Variants in C4orf50 observed in about 807,000 individuals in gnomAD.
C4orf50 encodes the protein uncharacterized protein C4orf50.
Under a neutral mutation model 77.2 loss-of-function variants are expected in C4orf50, and 80 were observed. The observed-to-expected ratio is 1.04, with a 90% CI of 0.87 to 1.25. The LOEUF is 1.25. Ranked by LOEUF, C4orf50 falls within the 50% of genes most tolerant of loss-of-function variation. C4orf50 has a pLI of 0.00. For missense variants in C4orf50, 1,257 were observed against 1,152.9 expected, an observed-to-expected ratio of 1.09 and a Z score of -1.31; for synonymous variants, 532 against 465.3, an observed-to-expected ratio of 1.14 and a Z score of -1.84.
At position 5,970,037 on chromosome 4, in the gene C4orf50, C is replaced by T. The variant is rs192021540; in HGVS notation, c.4105-2575G>A. Among the ~76,000 whole-genome samples the T allele has an allele frequency of 6.6e-6, 1 of 152,174 alleles. No individual in the cohort carries two copies. The highest frequency in any genetic ancestry group is 1.5e-5 in the Non-Finnish European group (1 of 67,996). On this transcript the variant is annotated intron_variant, in intron 31 of 33. Coordinates refer to ENST00000531445, the Ensembl canonical transcript of C4orf50. The surrounding 1 kb of genome is among the most constrained non-coding windows in gnomAD (Gnocchi z 4.3). The stretch of plus-strand genomic sequence containing the variant: ...TCTCCTTTGGTACCCGGGCCTCTGC[C>T]TCCAAGGTCTCAGGGACGGGGAAAG...
chr4:5,997,703 T>C (rs16838040), intron 25 of C4orf50, among the ~76,000 whole-genome samples: 4,984 of 152,324 alleles, frequency 0.033, 95 homozygotes, highest in Middle Eastern at 0.044. Flanking sequence ...TAAACATGAA[T>C]GTGTTAGAGG....
At chr4:5,934,384 A>G (rs1011877498) in intron 7 of C4orf50, among the ~76,000 whole-genome samples, 7 of 152,354 alleles carry the variant, frequency 4.6e-5, no homozygotes, top group African/African-American at 1.7e-4. Context: ...CACAGAGTTT[A>G]GCATTTTAAA....
At chr4:5,998,354 C>T (rs1168045560) in intron 25 of C4orf50, among the ~76,000 whole-genome samples, 6 of 152,194 alleles carry the variant, frequency 3.9e-5, no homozygotes, top group African/African-American at 7.2e-5. Context: ...TTTTATTTTT[C>T]GACATTATTG....
At chr4:5,976,722 T>G (rs183262162) in intron 29 of C4orf50, among the ~76,000 whole-genome samples, 1 of 152,342 alleles carries the variant, frequency 6.6e-6, no homozygotes, top group East Asian at 1.9e-4. Context: ...TGGTGAGAAC[T>G]GTAGTGAGGA....
chr4:5,950,964 A>T (rs949613628), intron 7 of C4orf50, among the ~76,000 whole-genome samples: 1 of 152,236 alleles, frequency 6.6e-6, no homozygotes. Context: ...GGTCAGCATA[A>T]GCATGAGTGA....
intron 31 of C4orf50, among the ~76,000 whole-genome samples, chr4:5,969,023 C>T (rs1437458306): frequency 6.6e-6 from 1 of 152,116 alleles, no homozygotes; most frequent in African/African-American, 2.4e-5. Context: ...TGATCCTGGC[C>T]AAGTCCGTTG....
chr4:5,989,218 T>C (rs762728998), exon 28 of C4orf50: 1 of 1,536,028 alleles, frequency 6.5e-7, no homozygotes, highest in South Asian at 1.2e-5. Context: ...TTTGGTGTTG[T>C]CATGTAAAAT....
Position 5,980,167 on chromosome 4 carries a change from C to T in C4orf50, c.3864+7G>A, listed in dbSNP as rs778272601. 1.9e-6 allele frequency: 3 copies of T among 1,584,184 alleles called. No individual in the cohort carries two copies. Among genetic ancestry groups the T allele is most frequent in the Non-Finnish European group, 1.7e-6 (2 of 1,166,566 alleles). ...TGACAAGAGGGGAAAGAAAGCACTT[C>T]CCACACCTTGGCCTGGAGCTCCTCC... On this transcript the variant is annotated splice_region_variant and intron_variant, in intron 29 of 33. Transcript: ENST00000531445.
chr4:6,003,907 ATGTTGATGATGGTGG>A (rs1577991084), intron 25 of C4orf50, among the ~76,000 whole-genome samples: 1 of 90,574 alleles, frequency 1.1e-5, no homozygotes, highest in East Asian at 3.4e-4. Flanking sequence ...TGTGATGGTG[ATGTTGATGATGGTGG>A]TGATGGTGAT....
chr4:5,945,306 CTT>C (rs1250388441), intron 7 of C4orf50, among the ~76,000 whole-genome samples: 7 of 152,222 alleles, frequency 4.6e-5, no homozygotes, highest in African/African-American at 1.7e-4. Flanking sequence ...CACGATTCAG[CTT>C]GGTACCCACA....
intron 31 of C4orf50, among the ~76,000 whole-genome samples, chr4:5,967,816 C>T (rs914662008): frequency 6.6e-6 from 1 of 152,224 alleles, no homozygotes; most frequent in Non-Finnish European, 1.5e-5. Context: ...CCCTGGGGCC[C>T]CTGATTCAAT....
At chr4:5,906,417 A>T (rs921975823) in intron 7 of C4orf50, among the ~76,000 whole-genome samples, 1 of 152,152 alleles carries the variant, frequency 6.6e-6, no homozygotes. Context: ...GTATGGGAGA[A>T]TACAGGCTGG....
Position 6,011,686 on chromosome 4 carries a change from C to A in C4orf50, c.426+144G>T. 2.5e-6 allele frequency: 1 copy of A among 397,258 alleles called. No homozygotes were observed. The highest frequency in any genetic ancestry group is 4.4e-6 in the Non-Finnish European group (1 of 225,816). The allele number at this position is 397,258 out of a possible 1,614,324, so 24.6% of individuals were successfully genotyped here. A position where few individuals can be genotyped will look rare whatever the true frequency, so the allele number is the denominator to read the frequency against. ...CAGGCCCCGCAGTCACGCCATGCAC[C>A]ATGAACGTAGGATCTCTCTAACCCT... is the stretch of plus-strand genomic sequence containing the variant. On this transcript the variant is annotated intron_variant, in intron 24 of 33. Coordinates refer to ENST00000531445, the Ensembl canonical transcript of C4orf50. The surrounding 1 kb of genome is among the most constrained non-coding windows in gnomAD (Gnocchi z 4.2).
chr4:5,939,904 T>C (rs1433691552), intron 7 of C4orf50, among the ~76,000 whole-genome samples: 1 of 152,160 alleles, frequency 6.6e-6, no homozygotes, highest in African/African-American at 2.4e-5. Context: ...TTCTGGCCAG[T>C]CTACCGACAA....
At position 6,003,693 on chromosome 4, in the gene C4orf50, T is replaced by G. The variant is rs910613322; in HGVS notation, c.963+4303A>C. Among the ~76,000 whole-genome samples, 34 of 145,090 alleles carry G rather than the reference T, an allele frequency of 2.3e-4. 1 individual carries two copies. Among genetic ancestry groups the G allele is most frequent in the African/African-American group, 8.5e-4 (33 of 38,764 alleles). ...ATGGTGATGATAGTGATGATGGTGA[T>G]GATAGTGATGGTGATGATGTGATGG... is the stretch of plus-strand genomic sequence containing the variant. On this transcript the variant is annotated intron_variant, in intron 25 of 33. Transcript: ENST00000531445.
At chr4:5,902,426 A>G (rs1374493051) in intron 7 of C4orf50, 1 of 152,176 alleles carries the variant, frequency 6.6e-6, no homozygotes, top group Non-Finnish European at 1.5e-5. Context: ...AATCAGGCCA[A>G]TAGACTCTGA....
chr4:5,983,373 C>T (rs1020372032), intron 28 of C4orf50, among the ~76,000 whole-genome samples: 63 of 152,226 alleles, frequency 4.1e-4, no homozygotes, highest in African/African-American at 1.5e-3. Context: ...CCCTTCCTTG[C>T]CCATTGGAAT....
In C4orf50 at chr4:6,008,203, G is replaced by C. The variant is rs971811886; in HGVS notation, c.756C>G (p.Arg252=). 4.4e-4 allele frequency: 176 copies of C among 397,636 alleles called. No individual in the cohort carries two copies. Among genetic ancestry groups the C allele is most frequent in the African/African-American group, 3.3e-3 (160 of 48,686 alleles). 24.6% of individuals were successfully genotyped at this position (397,636 alleles called of 1,614,324 possible). The change falls in exon 25 of 34, where the codon CGC becomes CGG. Residue 252 remains arginine (R), a synonymous_variant. Transcript: ENST00000531445. This position sits in a 1 kb window ranked among gnomAD's most constrained non-coding sequence, Gnocchi z 6.0. Reference sequence around the variant, plus strand: ...GGCTGCGCGCCGCCTCTTCCCGCTCGCGCTCGCTGCGCTCTGCCCTCGCCT... The same window carrying C: ...GGCTGCGCGCCGCCTCTTCCCGCTCCCGCTCGCTGCGCTCTGCCCTCGCCT...
chr4:5,943,711 A>T (rs966802143), intron 7 of C4orf50, among the ~76,000 whole-genome samples: 2 of 152,222 alleles, frequency 1.3e-5, no homozygotes, highest in Non-Finnish European at 2.9e-5. Flanking sequence ...AGCCTCTAAC[A>T]CACCCAAGAC....
Sources: gnomAD v4.1 joint callset for allele counts (sites outside exome capture counted in the v4.1 genomes callset) on GRCh38, gnomAD v4.1.1 for gene constraint, Gnocchi (gnomAD v3.1) non-coding constraint, MANE v1.5 for transcripts, NCBI Gene and HGNC (gene_info 2026-07-23, HGNC 2026-07-21) for gene names.